RUNX1T1: variants seen among roughly 807,000 people sequenced by gnomAD.
RUNX1T1 encodes the protein protein CBFA2T1.
Under a neutral mutation model 62.8 loss-of-function variants are expected in RUNX1T1, and 4 were observed. The ratio of observed to expected loss-of-function variants is 0.06; its 90% CI spans 0.03 to 0.15. RUNX1T1 has a LOEUF of 0.15. Among genes scored for constraint, RUNX1T1 ranks in the 10% least tolerant of loss-of-function variants. The pLI, the probability that RUNX1T1 is intolerant of heterozygous loss-of-function variation, is 1.00. For missense variants in RUNX1T1, 508 were observed against 754.3 expected, an observed-to-expected ratio of 0.67 and a Z score of 3.82; for synonymous variants, 291 against 286.0, an observed-to-expected ratio of 1.02 and a Z score of -0.18.
chr8:92,097,931 G>C (rs1422464174), intron 1 of RUNX1T1, among the ~76,000 whole-genome samples: 1 of 152,182 alleles, frequency 6.6e-6, no homozygotes, highest in Non-Finnish European at 1.5e-5. Context: ...TATAATCACA[G>C]AAGTGTAAAA....
At chr8:92,060,724 C>T (rs1393839459) in intron 1 of RUNX1T1, among the ~76,000 whole-genome samples, 1 of 151,530 alleles carries the variant, frequency 6.6e-6, no homozygotes, top group Admixed American at 6.6e-5. Context: ...TAAAATGAAC[C>T]TATATATATG....
intron 1 of RUNX1T1, among the ~76,000 whole-genome samples, chr8:92,047,205 T>G (rs890861640): frequency 3.9e-5 from 6 of 151,984 alleles, no homozygotes; most frequent in Admixed American, 2.0e-4. Context: ...CACGTTGTCT[T>G]TCTTCCCATT....
chr8:92,101,551 A>T (rs187877066), upstream of RUNX1T1, among the ~76,000 whole-genome samples: 1 of 152,262 alleles, frequency 6.6e-6, no homozygotes, highest in Non-Finnish European at 1.5e-5. Context: ...CCAGTCTTCA[A>T]GGGTTTCTCC....
chr8:92,038,906 TC>T (rs761986565), intron 1 of RUNX1T1, among the ~76,000 whole-genome samples: 3 of 151,918 alleles, frequency 2.0e-5, no homozygotes, highest in Non-Finnish European at 4.4e-5. Flanking sequence ...CCCTAACCAC[TC>T]CTTCTCAAAA....
intron 1 of RUNX1T1, among the ~76,000 whole-genome samples, chr8:92,022,016 CTTTCT>C (rs1253619604): frequency 1.3e-5 from 2 of 151,626 alleles, no homozygotes; most frequent in Admixed American, 6.6e-5. Flanking sequence ...TTACCTCTGC[CTTTCT>C]TTTAACATTT....
At chr8:92,008,410 A>T (rs1233018023) in intron 4 of RUNX1T1, among the ~76,000 whole-genome samples, 3 of 151,254 alleles carry the variant, frequency 2.0e-5, no homozygotes, top group Non-Finnish European at 4.4e-5. Flanking sequence ...ACACACACAC[A>T]CACACACACA....
At chr8:92,014,527 A>C (rs948424067) in intron 3 of RUNX1T1, 52 bp downstream of exon 4, 21 of 1,517,058 alleles carry the variant, frequency 1.4e-5, no homozygotes, top group Non-Finnish European at 1.8e-5. Context: ...TGAGTCTCCC[A>C]CCCACACTAT....
intron 2 of RUNX1T1, among the ~76,000 whole-genome samples, chr8:92,074,295 A>G (rs1400728201): frequency 6.6e-6 from 1 of 152,228 alleles, no homozygotes; most frequent in East Asian, 1.9e-4. Context: ...CCATGCTGCA[A>G]TGGTTCATTG....
At chr8:92,064,804 G>C (rs1832622554), upstream of RUNX1T1, among the ~76,000 whole-genome samples, 1 of 152,108 alleles carries the variant, frequency 6.6e-6, no homozygotes, top group Non-Finnish European at 1.5e-5. Context: ...TCGGTACACT[G>C]CAAGTCCCTA....
intron 8 of RUNX1T1, among the ~76,000 whole-genome samples, chr8:91,976,314 G>A (rs1197283164): frequency 6.6e-6 from 1 of 152,166 alleles, no homozygotes; most frequent in African/African-American, 2.4e-5. Flanking sequence ...AATATAAATT[G>A]TATTTGGTAG....
intron 1 of RUNX1T1, among the ~76,000 whole-genome samples, chr8:92,077,797 A>G (rs561011356): frequency 2.6e-4 from 39 of 152,204 alleles, no homozygotes; most frequent in Non-Finnish European, 4.4e-4. Context: ...GTCTAAGTCT[A>G]TATCTTCCTT....
chr8:91,972,849 G>A (rs564241177), intron 9 of RUNX1T1, among the ~76,000 whole-genome samples: 1 of 152,108 alleles, frequency 6.6e-6, no homozygotes, highest in Admixed American at 6.5e-5. Flanking sequence ...CATGTAAAAA[G>A]AAATATACTG....
intron 2 of RUNX1T1, 110 bp downstream of exon 2, chr8:92,075,855 A>G: frequency 1.0e-6 from 1 of 995,466 alleles, no homozygotes; most frequent in Non-Finnish European, 1.5e-6. Context: ...AGGCACTAGA[A>G]GAAGGAAGAA....
At chr8:92,064,358 A>G (rs1042861474), upstream of RUNX1T1, among the ~76,000 whole-genome samples, 1 of 152,170 alleles carries the variant, frequency 6.6e-6, no homozygotes, top group Non-Finnish European at 1.5e-5. Context: ...CTAATAGTAT[A>G]CTGCACCCTA....
At chr8:91,982,090 C>CA (rs1336927523) in intron 8 of RUNX1T1, among the ~76,000 whole-genome samples, 3 of 151,308 alleles carry the variant, frequency 2.0e-5, no homozygotes, top group Non-Finnish European at 4.4e-5. Context: ...ACAAAAAATA[C>CA]AAAAAAATTA....
At chr8:92,051,769 C>T (rs562632284) in intron 1 of RUNX1T1, among the ~76,000 whole-genome samples, 2 of 152,196 alleles carry the variant, frequency 1.3e-5, no homozygotes, top group East Asian at 3.9e-4. Context: ...TGTTTCCTCC[C>T]CCTGAATACA....
intron 1 of RUNX1T1, among the ~76,000 whole-genome samples, chr8:92,049,713 G>T (rs1829949852): frequency 1.3e-5 from 2 of 152,174 alleles, no homozygotes; most frequent in Admixed American, 6.5e-5. Flanking sequence ...AAAAAATTAT[G>T]CCTAACACAA....
intron 1 of RUNX1T1, among the ~76,000 whole-genome samples, chr8:92,077,622 T>C (rs1452446252): frequency 6.6e-6 from 1 of 152,108 alleles, no homozygotes; most frequent in East Asian, 1.9e-4. Context: ...AAAGAAAATG[T>C]ATACTCTTCT....
At chr8:92,077,854 G>A (rs529461038) in intron 1 of RUNX1T1, among the ~76,000 whole-genome samples, 1 of 152,122 alleles carries the variant, frequency 6.6e-6, no homozygotes, top group South Asian at 2.1e-4. Context: ...TAACAAAAAT[G>A]GGGTACTTAA....
Sources: gnomAD v4.1 joint callset for allele counts (sites outside exome capture counted in the v4.1 genomes callset) on GRCh38, gnomAD v4.1.1 for gene constraint, MANE v1.5 for transcripts, NCBI Gene and HGNC (gene_info 2026-07-23, HGNC 2026-07-21) for gene names.